Variants in ZNF416 observed in about 807,000 individuals in gnomAD.
The protein encoded by ZNF416 is zinc finger protein 416.
In ZNF416, 5 loss-of-function variants were observed where a neutral mutation model predicts 10.9. That is an observed-to-expected ratio of 0.46 (90% CI 0.24 to 0.97). The LOEUF (loss-of-function observed/expected upper bound fraction) is 0.97, where lower values mean the gene tolerates loss of function less well. Among genes scored for constraint, ZNF416 ranks in the 50% least tolerant of loss-of-function variants. ZNF416 has a pLI of 0.19. For missense variants in ZNF416, 675 were observed against 715.0 expected (o/e 0.94, Z 0.64); for synonymous variants, 267 against 251.8 (o/e 1.06, Z -0.57).
At chr19:57,578,574 T>C (rs1360615545) in intron 1 of ZNF416, 98 bp downstream of exon 1, 2 of 1,350,180 alleles carry the variant, frequency 1.5e-6, no homozygotes, top group Admixed American at 2.8e-5. Context: ...TCCTGGACTC[T>C]AGGGTCGGGC....
chr19:57,577,171 G>T (rs895662918), intron 2 of ZNF416, among the ~76,000 whole-genome samples: 1 of 152,086 alleles, frequency 6.6e-6, no homozygotes, highest in Non-Finnish European at 1.5e-5. Context: ...CCTCAACACA[G>T]TTCTAGTCCT....
intron 1 of ZNF416, 33 bp downstream of exon 1, chr19:57,578,639 G>A (rs1445280124): frequency 1.3e-6 from 2 of 1,531,920 alleles, no homozygotes; most frequent in Admixed American, 2.1e-5. Context: ...CCGGCGGAGA[G>A]GGCAGGTGAG....
intron 1 of ZNF416, 131 bp from the exon 2 acceptor site, chr19:57,578,229 G>A: frequency 1.1e-6 from 1 of 873,566 alleles, no homozygotes; most frequent in Non-Finnish European, 1.9e-6. Context: ...TTGCTCCTCA[G>A]TTCCGTGTGA....
chr19:57,575,718 CA>C lies in ZNF416; in HGVS notation c.202+85del. On this transcript the variant is annotated intron_variant, in intron 3 of 3. Coordinates refer to ENST00000196489, the MANE Select transcript of ZNF416 (RefSeq NM_017879.3). The surrounding 1 kb of genome is among the most constrained non-coding windows in gnomAD (Gnocchi z 4.4). ...TACGCCAAGACAGTGGGGAAGTCAG[CA>C]AAGCCCACGGTCCGGCAGAGCTGCC... 1.3e-6 allele frequency: 2 copies of C among 1,583,620 alleles called. No homozygotes were observed. The highest frequency in any genetic ancestry group is 1.7e-6 in the Non-Finnish European group (2 of 1,153,408).
chr19:57,575,829 C>A lies in ZNF416; in HGVS notation c.177G>T (p.Glu59Asp), dbSNP rs1978511129. 2 of 1,614,012 alleles carry A rather than the reference C, an allele frequency of 1.2e-6. No individual in the cohort carries two copies. Among genetic ancestry groups the A allele is most frequent in the Non-Finnish European group, 1.7e-6 (2 of 1,180,042 alleles). ...QRLLYRDVML[E>D]NFALITALVC... ...CCAGCGCAGTTATAAGTGCAAAGTT[C>A]TCCAGCATCACATCGCGGTACAGGA... Residue 59 changes from glutamate (E) to aspartate (D), a missense_variant, in exon 3 of 4, where the codon GAG becomes GAT. By Grantham distance (45) the Glu-to-Asp change is conservative. Coordinates refer to ENST00000196489, the MANE Select transcript of ZNF416 (RefSeq NM_017879.3). This position sits in a 1 kb window ranked among gnomAD's most constrained non-coding sequence, Gnocchi z 4.4.
At position 57,573,332 on chromosome 19, in the gene ZNF416, G is replaced by C; in HGVS notation, c.572C>G (p.Ala191Gly). The change falls in exon 4 of 4, where the codon GCT becomes GGT. Residue 191 changes from alanine (A) to glycine (G), a missense_variant. Physicochemically the swap from Ala to Gly is moderately conservative, Grantham distance 60. Coordinates refer to ENST00000196489, the MANE Select transcript of ZNF416 (RefSeq NM_017879.3). ...GTTTGGCTTCTCATAGTTAGCAATA[G>C]CTTGCGGCTGAAGAATGCCCAATGG... is the stretch of plus-strand genomic sequence containing the variant. Reference protein sequence around the residue: ...LAPLGILQPQAIANYEKPNKI... With the variant: ...LAPLGILQPQGIANYEKPNKI... 6.2e-7 allele frequency: 1 copy of C among 1,614,224 alleles called. No homozygotes were observed. Among genetic ancestry groups the C allele is most frequent in the South Asian group, 1.1e-5 (1 of 91,086 alleles).
At position 57,575,911 on chromosome 19, in the gene ZNF416, T is replaced by C; in HGVS notation, c.95A>G (p.Asp32Gly). 1.2e-6 allele frequency: 2 copies of C among 1,614,026 alleles called. No homozygotes were observed. The highest frequency in any genetic ancestry group is 1.7e-6 in the Non-Finnish European group (2 of 1,179,962). ...GFTQGCVTFE[D>G]VAIYFSQEEW... is the part of the protein sequence containing the mutation. Reference sequence around the variant, plus strand: ...TTCCTGGGAGAAGTAAATGGCCACGTCCTCAAAGGTCACACAGCCCTGCCA... The same window carrying C: ...TTCCTGGGAGAAGTAAATGGCCACGCCCTCAAAGGTCACACAGCCCTGCCA... Residue 32 changes from aspartate (D) to glycine (G), a missense_variant, in exon 3 of 4, where the codon GAC (aspartate) becomes GGC (glycine). By Grantham distance (94) the Asp-to-Gly change is moderately conservative. Transcript: ENST00000196489. This position sits in a 1 kb window ranked among gnomAD's most constrained non-coding sequence, Gnocchi z 4.4.
At chr19:57,576,023 A>C in intron 2 of ZNF416, 93 bp from the exon 3 acceptor site, 1 of 1,505,754 alleles carries the variant, frequency 6.6e-7, no homozygotes, top group South Asian at 1.3e-5. Context: ...GCTTATCCCC[A>C]TACCTAAGCC....
chr19:57,573,190 T>C lies in ZNF416; in HGVS notation c.714A>G (p.Gly238=). Residue 238 remains glycine (G), a synonymous_variant, in exon 4 of 4, where the codon GGA becomes GGG. Coordinates refer to ENST00000196489, the MANE Select transcript of ZNF416 (RefSeq NM_017879.3). ...ATTTGCTAGATTCATAAAGCCTTTT[T>C]CCAGTGCAGACTCTAGGGTGAAAAA... The part of the protein sequence containing the change: ...HTFFHPRVCT[G]KRLYESSKCG... 1 of 1,614,240 alleles carries C rather than the reference T, an allele frequency of 6.2e-7. No individual in the cohort carries two copies. The highest frequency in any genetic ancestry group is 8.5e-7 in the Non-Finnish European group (1 of 1,180,034).
Position 57,575,717 on chromosome 19 carries a change from G to A in ZNF416, c.202+87C>T. The A allele has an allele frequency of 6.3e-7, 1 of 1,580,816 alleles. No individual in the cohort carries two copies. On this transcript the variant is annotated intron_variant, in intron 3 of 3. Transcript: ENST00000196489. This position sits in a 1 kb window ranked among gnomAD's most constrained non-coding sequence, Gnocchi z 4.4. ...ATACGCCAAGACAGTGGGGAAGTCAGCAAAGCCCACGGTCCGGCAGAGCTG... is the reference window on the plus strand; with the variant it reads ...ATACGCCAAGACAGTGGGGAAGTCAACAAAGCCCACGGTCCGGCAGAGCTG...
chr19:57,572,018 A>G lies in ZNF416; in HGVS notation c.*101T>C. 1 of 1,458,636 alleles carries G rather than the reference A, an allele frequency of 6.9e-7. No homozygotes were observed. Among genetic ancestry groups the G allele is most frequent in the Non-Finnish European group, 9.2e-7 (1 of 1,081,330 alleles). 90.4% of individuals were successfully genotyped at this position (1,458,636 alleles called of 1,614,324 possible). A position where few individuals can be genotyped will look rare whatever the true frequency, so the allele number is the denominator to read the frequency against. On this transcript the variant is annotated 3_prime_UTR_variant, in exon 4 of 4. Transcript: ENST00000196489. This position sits in a 1 kb window ranked among gnomAD's most constrained non-coding sequence, Gnocchi z 4.5. ...AAGTATGAGGTTTAACTTTAGGCAG[A>G]CGGCTCCTTCACAAAGGCTCTCTAT...
At position 57,573,479 on chromosome 19, in the gene ZNF416, T is replaced by C. The variant is rs868588418; in HGVS notation, c.425A>G (p.His142Arg). The stretch of plus-strand genomic sequence containing the variant: ...TTCCAAGGGTTTCTCTGCACTATGA[T>C]GCTTCTGGTCCTGGTGAAAGACCGC... ...ACAVFHQDQK[H>R]HSAEKPLESD... The change falls in exon 4 of 4, where the codon CAT (histidine) becomes CGT (arginine). Residue 142 changes from histidine to arginine, a missense_variant. Coordinates refer to ENST00000196489, the MANE Select transcript of ZNF416 (RefSeq NM_017879.3). The C allele has an allele frequency of 6.2e-7, 1 of 1,614,240 alleles. No individual in the cohort carries two copies. Among genetic ancestry groups the C allele is most frequent in the African/African-American group, 1.3e-5 (1 of 75,070 alleles).
chr19:57,575,766 C>T lies in ZNF416; in HGVS notation c.202+38G>A, dbSNP rs762389158. 33 of 1,613,256 alleles carry T rather than the reference C, an allele frequency of 2.0e-5. No homozygotes were observed. The South Asian group carries it at 2.3e-4, about 11-fold the overall frequency. On this transcript the variant is annotated intron_variant, in intron 3 of 3. Transcript: ENST00000196489. This position sits in a 1 kb window ranked among gnomAD's most constrained non-coding sequence, Gnocchi z 4.4. ...TGCCTCTGAGGAAAAAGAGGATAGA[C>T]GAAGACCAGGACACGAGAGTGGGTG...
rs752142634 is a variant in ZNF416 at position 57,573,673 on chromosome 19, C to T, written c.231G>A (p.Glu77=). The T allele has an allele frequency of 6.2e-7, 1 of 1,612,514 alleles. No individual in the cohort carries two copies. Among genetic ancestry groups the T allele is most frequent in the South Asian group, 1.1e-5 (1 of 91,048 alleles). The change falls in exon 4 of 4, where the codon GAG becomes GAA. Residue 77 remains glutamate (E), a synonymous_variant. Transcript: ENST00000196489. ...LVCWHGMEDE[E]TPEQSVSVEG... ...CTACAGAAACACTTTGCTCAGGTGTCTCTTCATCCTCCATCCCATGCCAAC... is the reference window on the plus strand; with the variant it reads ...CTACAGAAACACTTTGCTCAGGTGTTTCTTCATCCTCCATCCCATGCCAAC...
chr19:57,572,338 G>GT lies in ZNF416; in HGVS notation c.1565dup (p.Tyr522Ter). 6.2e-7 allele frequency: 1 copy of GT among 1,614,070 alleles called. No homozygotes were observed. The highest frequency in any genetic ancestry group is 8.5e-7 in the Non-Finnish European group (1 of 1,180,018). The part of the protein sequence containing the change: ...HQKIHTGLRP[Y>*]DCGQCGKSFI... ...AGGATTTCCCGCACTGTCCACAGTC[G>GT]TAAGGCCTTAATCCAGTGTGAATTT... Residue 522 changes from tyrosine (Y) to a stop codon, truncating the protein, a stop_gained and frameshift_variant, in exon 4 of 4, where the codon TAC (tyrosine) becomes TAAC (stop). Coordinates refer to ENST00000196489, the MANE Select transcript of ZNF416 (RefSeq NM_017879.3). LOFTEE classifies it low-confidence loss of function (END_TRUNC). The surrounding 1 kb of genome is among the most constrained non-coding windows in gnomAD (Gnocchi z 4.5).
At position 57,573,410 on chromosome 19, in the gene ZNF416, T is replaced by C; in HGVS notation, c.494A>G (p.His165Arg). Reference protein sequence around the residue: ...KASFVQCCLFHESGMPFTSSE... With the variant: ...KASFVQCCLFRESGMPFTSSE... ...GCTGGTGAAAGGCATTCCTGACTCATGGAACAGGCAGCACTGCACAAATGA... is the reference window on the plus strand; with the variant it reads ...GCTGGTGAAAGGCATTCCTGACTCACGGAACAGGCAGCACTGCACAAATGA... The change falls in exon 4 of 4, where the codon CAT becomes CGT. Residue 165 changes from histidine to arginine, a missense_variant. His to Arg is a conservative substitution (Grantham distance 29). Transcript: ENST00000196489. The C allele has an allele frequency of 1.2e-6, 2 of 1,614,252 alleles. No homozygotes were observed. Among genetic ancestry groups the C allele is most frequent in the South Asian group, 1.1e-5 (1 of 91,086 alleles).
Position 57,578,892 on chromosome 19 carries a change from G to A in ZNF416, c.-188C>T. 6.1e-6 allele frequency: 3 copies of A among 492,050 alleles called. No individual in the cohort carries two copies. The highest frequency in any genetic ancestry group is 8.0e-5 in the South Asian group (2 of 25,008). The allele number at this position is 492,050 out of a possible 1,614,324, so 30.5% of individuals were successfully genotyped here. A position where few individuals can be genotyped will look rare whatever the true frequency, so the allele number is the denominator to read the frequency against. On this transcript the variant is annotated 5_prime_UTR_variant, in exon 1 of 4. Transcript: ENST00000196489. ...AGAGAACCACCAAAATTACCATCTC[G>A]GAGCGGTGCCGGAAGTCCCGCCTTA...
chr19:57,572,398 A>C lies in ZNF416; in HGVS notation c.1506T>G (p.Phe502Leu), dbSNP rs780463257. 37 of 1,614,070 alleles carry C rather than the reference A, an allele frequency of 2.3e-5. 1 individual carries two copies. The South Asian group carries it at 4.0e-4, about 17-fold the overall frequency. Reference protein sequence around the residue: ...RPFECSECGKFFRQSYTLVEH... With the variant: ...RPFECSECGKLFRQSYTLVEH... ...CAACGAGGGTATAGCTTTGTCTAAA[A>C]AATTTCCCACATTCACTGCACTCAA... Residue 502 changes from phenylalanine to leucine, a missense_variant, in exon 4 of 4, where the codon TTT (phenylalanine) becomes TTG (leucine). Phe to Leu is a conservative substitution (Grantham distance 22). Transcript: ENST00000196489. The surrounding 1 kb of genome is among the most constrained non-coding windows in gnomAD (Gnocchi z 4.5).
In ZNF416 at chr19:57,571,741, G is replaced by T; in HGVS notation, c.*378C>A. ...AGCAGAACCCAGGCTGGGCCCTTCT[G>T]GCCAAAACTGGTCAGATGTATGCTG... is the stretch of plus-strand genomic sequence containing the variant. On this transcript the variant is annotated 3_prime_UTR_variant, in exon 4 of 4. Transcript: ENST00000196489. The T allele has an allele frequency of 5.7e-6, 1 of 174,432 alleles. No individual in the cohort carries two copies. Among genetic ancestry groups the T allele is most frequent in the Non-Finnish European group, 1.2e-5 (1 of 81,166 alleles). 10.8% of individuals were successfully genotyped at this position (174,432 alleles called of 1,614,324 possible).
Sources: allele counts gnomAD v4.1 joint callset (sites outside exome capture counted in the v4.1 genomes callset), GRCh38; gene constraint gnomAD v4.1.1; non-coding constraint Gnocchi (gnomAD v3.1); transcripts MANE v1.5; gene names NCBI Gene and HGNC (gene_info 2026-07-23, HGNC 2026-07-21).